Variants in XRRA1 observed in about 807,000 individuals in gnomAD.
XRRA1 encodes X-ray radiation resistance associated 1.
XRRA1 carries 69 observed loss-of-function variants against 80.2 expected under a neutral mutation model. The ratio of observed to expected loss-of-function variants is 0.86; its 90% CI spans 0.71 to 1.05. The LOEUF (loss-of-function observed/expected upper bound fraction) is 1.05, where lower values mean the gene tolerates loss of function less well. Among genes scored for constraint, XRRA1 ranks in the 50% least tolerant of loss-of-function variants. XRRA1 has a pLI of 0.00. For synonymous variants in XRRA1, 348 were observed against 389.9 expected (o/e 0.89, Z 1.27); for missense variants, 967 against 976.4 (o/e 0.99, Z 0.13).
chr11:74,844,218 T>TGGAGGAGTGGC lies in XRRA1; in HGVS notation c.1982_1992dup (p.Lys665AlafsTer56). ...TTCTGAAGAGTGTCCAGCTTGGGCTTGGAGGAGTGGCACAGGAGTGGGTGC... is the reference window on the plus strand; with the variant it reads ...TTCTGAAGAGTGTCCAGCTTGGGCTTGGAGGAGTGGCGGAGGAGTGGCACAGGAGTGGGTGC... On this transcript the variant is annotated frameshift_variant, in exon 17 of 19. Transcript: ENST00000684022. LOFTEE classifies it high-confidence loss of function. 1 of 1,613,864 alleles carries TGGAGGAGTGGC rather than the reference T, an allele frequency of 6.2e-7. No homozygotes were observed. The highest frequency in any genetic ancestry group is 8.5e-7 in the Non-Finnish European group (1 of 1,179,860).
chr11:74,906,128 C>T, intron 10 of XRRA1, 111 bp downstream of exon 10: 1 of 1,016,170 alleles, frequency 9.8e-7, no homozygotes, highest in South Asian at 1.7e-5. Context: ...AAAGAATCAG[C>T]AAATTCAATT....
chr11:74,854,365 T>A (rs2040589920), intron 12 of XRRA1, among the ~76,000 whole-genome samples: 1 of 152,170 alleles, frequency 6.6e-6, no homozygotes, highest in Non-Finnish European at 1.5e-5. Context: ...ACATTTGATC[T>A]TCTAGACCAG....
chr11:74,896,870 G>A (rs1052426584), intron 10 of XRRA1, among the ~76,000 whole-genome samples: 5 of 152,276 alleles, frequency 3.3e-5, no homozygotes, highest in African/African-American at 1.2e-4. Context: ...GCATTATTGG[G>A]CTTGGGGTCC....
chr11:74,880,821 G>A (rs1448549860), intron 10 of XRRA1, among the ~76,000 whole-genome samples: 1 of 151,704 alleles, frequency 6.6e-6, no homozygotes, highest in Admixed American at 6.6e-5. Flanking sequence ...ACTGTGGTCT[G>A]AGAGATAGTT....
At chr11:74,943,559 GTGTA>G (rs1260266970) in intron 2 of XRRA1, among the ~76,000 whole-genome samples, 10 of 134,924 alleles carry the variant, frequency 7.4e-5, no homozygotes, top group African/African-American at 2.7e-4. Flanking sequence ...GTGTGTGTGT[GTGTA>G]TGTGTCAGAG....
intron 7 of XRRA1, among the ~76,000 whole-genome samples, chr11:74,926,967 T>A (rs979196047): frequency 1.3e-5 from 2 of 151,740 alleles, no homozygotes; most frequent in African/African-American, 4.8e-5. Flanking sequence ...CAGTCTATAA[T>A]GTCTCTAGTT....
chr11:74,897,482 G>C (rs1419369279), intron 10 of XRRA1, among the ~76,000 whole-genome samples: 1 of 151,958 alleles, frequency 6.6e-6, no homozygotes, highest in Non-Finnish European at 1.5e-5. Flanking sequence ...CAAACCTAGA[G>C]AAAGATACCA....
intron 10 of XRRA1, among the ~76,000 whole-genome samples, chr11:74,895,109 G>T (rs1035755630): frequency 6.6e-6 from 1 of 152,200 alleles, no homozygotes; most frequent in Non-Finnish European, 1.5e-5. Context: ...AAACGCAGGT[G>T]AGCAATTACA....
At chr11:74,848,526 A>G in intron 14 of XRRA1, 64 bp from the exon 15 acceptor site, 1 of 1,460,890 alleles carries the variant, frequency 6.8e-7, no homozygotes, top group Non-Finnish European at 9.2e-7. Flanking sequence ...CCTGGGCCTC[A>G]CTAGCCTAAG....
chr11:74,888,450 A>G (rs1269472299), intron 10 of XRRA1, among the ~76,000 whole-genome samples: 2 of 152,234 alleles, frequency 1.3e-5, no homozygotes, highest in Non-Finnish European at 2.9e-5. Flanking sequence ...AAGGTAGATA[A>G]AACCACAAAG....
intron 10 of XRRA1, among the ~76,000 whole-genome samples, chr11:74,894,113 A>C (rs964397534): frequency 6.6e-6 from 1 of 152,240 alleles, no homozygotes; most frequent in Non-Finnish European, 1.5e-5. Context: ...CCTTTGCAGA[A>C]ACACAGATGA....
At chr11:74,940,172 G>A (rs148264445) in intron 3 of XRRA1, among the ~76,000 whole-genome samples, 2 of 152,260 alleles carry the variant, frequency 1.3e-5, no homozygotes, top group Non-Finnish European at 2.9e-5. Flanking sequence ...TTCACCTATA[G>A]GGCTCTTATT....
Position 74,868,740 on chromosome 11 carries a change from T to TA in XRRA1, c.1004-5720dup, listed in dbSNP as rs999694293. ...AAACAGACATTAAACCAACAAAGAT[T>TA]AAAAAAAAAAAGACAAAGAAGGATA... On this transcript the variant is annotated intron_variant, in intron 10 of 18. Coordinates refer to ENST00000684022, the MANE Select transcript of XRRA1 (RefSeq NM_001378157.1). Among the ~76,000 whole-genome samples the TA allele has an allele frequency of 4.3e-3, 610 of 142,860 alleles. 3 individuals carry two copies. Among genetic ancestry groups the TA allele is most frequent in the Non-Finnish European group, 7.3e-3 (477 of 65,002 alleles). 93.7% of individuals were successfully genotyped at this position (142,860 alleles called of 152,430 possible).
At chr11:74,904,220 A>G (rs1440567737) in intron 10 of XRRA1, among the ~76,000 whole-genome samples, 1 of 152,196 alleles carries the variant, frequency 6.6e-6, no homozygotes, top group Non-Finnish European at 1.5e-5. Context: ...AGATAGATGC[A>G]TATTAAAATT....
At chr11:74,937,505 G>C (rs1023659113) in intron 3 of XRRA1, among the ~76,000 whole-genome samples, 48 of 151,948 alleles carry the variant, frequency 3.2e-4, no homozygotes, top group African/African-American at 1.1e-3. Context: ...CCCAATGTGT[G>C]ACCTCAACTC....
At chr11:74,845,029 G>A (rs767399308) in intron 16 of XRRA1, 44 bp downstream of exon 16, 2 of 1,596,104 alleles carry the variant, frequency 1.3e-6, no homozygotes, top group Admixed American at 3.3e-5. Flanking sequence ...TCTGAGCTGT[G>A]GAGATGGCCT....
At chr11:74,913,541 G>A (rs2138542685) in intron 8 of XRRA1, 1 of 152,290 alleles carries the variant, frequency 6.6e-6, no homozygotes, top group African/African-American at 2.4e-5. Flanking sequence ...ATACAGCTAA[G>A]GACCTATCAA....
intron 2 of XRRA1, among the ~76,000 whole-genome samples, chr11:74,942,515 T>C (rs1319412286): frequency 2.0e-5 from 3 of 152,156 alleles, no homozygotes; most frequent in African/African-American, 7.2e-5. Flanking sequence ...GAGGAACACG[T>C]AGGGGGACAT....
rs561446631 is a variant in XRRA1 at position 74,856,281 on chromosome 11, A to G, written c.1170+2877T>C. Among the ~76,000 whole-genome samples the G allele has an allele frequency of 3.3e-5, 5 of 152,372 alleles. No individual in the cohort carries two copies. The East Asian group carries it at 9.6e-4, about 29-fold the overall frequency. ...AAACAAAAGCACATTCTGGTAATAG[A>G]TATGTGACAATAGACAAAAAGATAT... On this transcript the variant is annotated intron_variant, in intron 12 of 18. Coordinates refer to ENST00000684022, the MANE Select transcript of XRRA1 (RefSeq NM_001378157.1).
Sources: allele counts gnomAD v4.1 joint callset (sites outside exome capture counted in the v4.1 genomes callset), GRCh38; gene constraint gnomAD v4.1.1; transcripts MANE v1.5; gene names NCBI Gene and HGNC (gene_info 2026-07-23, HGNC 2026-07-21).